The following FAM151B variants were observed in gnomAD, a reference collection of about 807,000 sequenced individuals.
The protein encoded by FAM151B is protein FAM151B.
In FAM151B, 24 loss-of-function variants were observed where a neutral mutation model predicts 31.2. That is an observed-to-expected ratio of 0.77 (90% CI 0.56 to 1.08). FAM151B has a LOEUF of 1.08. Among genes scored for constraint, FAM151B ranks in the 50% least tolerant of loss-of-function variants. The pLI is 0.00. For missense variants in FAM151B, 293 were observed against 328.6 expected, an observed-to-expected ratio of 0.89 and a Z score of 0.84; for synonymous variants, 105 against 111.4, an observed-to-expected ratio of 0.94 and a Z score of 0.36.
chr5:80,497,923 C>T (rs1380781289), intron 1 of FAM151B, among the ~76,000 whole-genome samples: 1 of 151,832 alleles, frequency 6.6e-6, no homozygotes, highest in Non-Finnish European at 1.5e-5. Flanking sequence ...GCACATGTAC[C>T]CTAGAACTTA....
intron 3 of FAM151B, among the ~76,000 whole-genome samples, chr5:80,518,106 T>G (rs1054593351): frequency 9.3e-5 from 14 of 150,646 alleles, no homozygotes; most frequent in African/African-American, 3.4e-4. Context: ...AAACTGGATA[T>G]TATCAGATGA....
chr5:80,531,079 A>G (rs1054264904), intron 5 of FAM151B, among the ~76,000 whole-genome samples: 1 of 152,090 alleles, frequency 6.6e-6, no homozygotes, highest in Admixed American at 6.6e-5. Context: ...TGGAAATGAG[A>G]CCGCACGTCT....
intron 3 of FAM151B, among the ~76,000 whole-genome samples, chr5:80,515,860 C>T (rs956584384): frequency 1.3e-5 from 2 of 152,152 alleles, no homozygotes; most frequent in African/African-American, 2.4e-5. Context: ...CCGCTTGTCA[C>T]GTAGTTGTTA....
intron 5 of FAM151B, among the ~76,000 whole-genome samples, chr5:80,539,106 C>T (rs1469329169): frequency 2.0e-5 from 3 of 150,278 alleles, no homozygotes; most frequent in African/African-American, 7.3e-5. Flanking sequence ...TGACTTGCCT[C>T]CTTTTGATGG....
intron 2 of FAM151B, among the ~76,000 whole-genome samples, chr5:80,505,749 ATTTTTTT>A (rs386404255): frequency 3.9e-5 from 3 of 77,882 alleles, no homozygotes; most frequent in Non-Finnish European, 6.6e-5. Context: ...TCCTATAAGA[ATTTTTTT>A]TTTTTTTTTT....
chr5:80,540,039 G>A (rs987733580), intron 5 of FAM151B, among the ~76,000 whole-genome samples: 11 of 152,046 alleles, frequency 7.2e-5, no homozygotes, highest in Non-Finnish European at 1.5e-4. Flanking sequence ...CTGTATCACT[G>A]CCATGCAGCC....
Position 80,522,007 on chromosome 5 carries a change from C to T in FAM151B, c.540C>T (p.Tyr180=), listed in dbSNP as rs1420481426. The T allele has an allele frequency of 2.5e-6, 4 of 1,572,356 alleles. No individual in the cohort carries two copies. The highest frequency in any genetic ancestry group is 3.5e-6 in the Non-Finnish European group (4 of 1,151,242). Residue 180 remains tyrosine, a synonymous_variant, in exon 5 of 6, where the codon TAC becomes TAT. Transcript: ENST00000282226. ...ATTTTTTTCTTTTCTTTTAAGGGTA[C>T]AGTTGGACAATGGTGAAAGAGATGG... ...GWHPEKVNEG[Y]SWTMVKEMEY... is the part of the protein sequence containing the mutation.
At chr5:80,531,183 T>C (rs1272820321) in intron 5 of FAM151B, among the ~76,000 whole-genome samples, 1 of 152,176 alleles carries the variant, frequency 6.6e-6, no homozygotes, top group African/African-American at 2.4e-5. Context: ...TGGCTAGCCA[T>C]ATGTAGAAAG....
At chr5:80,498,457 T>C (rs1743627580) in intron 1 of FAM151B, 1 of 507,596 alleles carries the variant, frequency 2.0e-6, no homozygotes, top group Non-Finnish European at 3.6e-6. Flanking sequence ...CATTTTTAGG[T>C]TTAAGGTTTT....
intron 1 of FAM151B, chr5:80,498,622 C>T: frequency 1.3e-6 from 1 of 797,938 alleles, no homozygotes; most frequent in East Asian, 2.6e-5. Context: ...ACTCCAGCAC[C>T]ATCTGAATGG....
intron 3 of FAM151B, among the ~76,000 whole-genome samples, chr5:80,515,995 G>A (rs1037337151): frequency 1.1e-4 from 17 of 152,184 alleles, no homozygotes; most frequent in Middle Eastern, 6.3e-3. Context: ...CTTGTTTTGT[G>A]CTTCTAAGTT....
chr5:80,516,745 G>C (rs1040359478), intron 3 of FAM151B, among the ~76,000 whole-genome samples: 2 of 152,108 alleles, frequency 1.3e-5, no homozygotes, highest in African/African-American at 4.8e-5. Flanking sequence ...TTTTAAATTA[G>C]AATCACATGG....
intron 3 of FAM151B, 63 bp from the exon 4 acceptor site, chr5:80,519,630 A>G: frequency 2.1e-6 from 3 of 1,422,496 alleles, no homozygotes; most frequent in Non-Finnish European, 2.9e-6. Context: ...CCACTAGTCT[A>G]AAAGAACTTC....
At chr5:80,537,911 A>G (rs1196675606) in intron 5 of FAM151B, among the ~76,000 whole-genome samples, 1 of 93,936 alleles carries the variant, frequency 1.1e-5, no homozygotes, top group Non-Finnish European at 2.7e-5. Context: ...TCAAAAACTT[A>G]ATAGAATAAA....
At chr5:80,541,117 T>C (rs762617529) in intron 5 of FAM151B, among the ~76,000 whole-genome samples, 4 of 152,354 alleles carry the variant, frequency 2.6e-5, no homozygotes, top group Non-Finnish European at 5.9e-5. Context: ...GGTTATTGGT[T>C]TTCAGCTCAT....
At chr5:80,516,711 G>T (rs1744460668) in intron 3 of FAM151B, among the ~76,000 whole-genome samples, 1 of 152,154 alleles carries the variant, frequency 6.6e-6, no homozygotes, top group South Asian at 2.1e-4. Context: ...ATATATGTAA[G>T]AATTGAGAAT....
chr5:80,497,845 T>C (rs1176135920), intron 1 of FAM151B, among the ~76,000 whole-genome samples: 2 of 151,598 alleles, frequency 1.3e-5, no homozygotes, highest in African/African-American at 4.8e-5. Context: ...CTAATGTAAA[T>C]GACGAGTTAA....
intron 5 of FAM151B, among the ~76,000 whole-genome samples, chr5:80,534,792 C>G (rs572289052): frequency 6.6e-6 from 1 of 152,116 alleles, no homozygotes; most frequent in African/African-American, 2.4e-5. Context: ...AAAGGACATC[C>G]AAATTGGAAA....
At chr5:80,523,977 G>C (rs953013312) in intron 5 of FAM151B, among the ~76,000 whole-genome samples, 5 of 152,024 alleles carry the variant, frequency 3.3e-5, no homozygotes, top group Non-Finnish European at 7.4e-5. Flanking sequence ...TATTAACTCT[G>C]CCTCTAGGTT....
Sources: gnomAD v4.1 joint callset for allele counts (sites outside exome capture counted in the v4.1 genomes callset) on GRCh38, gnomAD v4.1.1 for gene constraint, MANE v1.5 for transcripts, NCBI Gene and HGNC (gene_info 2026-07-23, HGNC 2026-07-21) for gene names.